Variants in ACTR3C observed in about 807,000 individuals in gnomAD.
ACTR3C encodes actin-related protein 3C.
A neutral mutation model predicts 26.3 loss-of-function variants in ACTR3C; 18 were observed. The ratio of observed to expected loss-of-function variants is 0.68; its 90% CI spans 0.47 to 1.01. ACTR3C has a LOEUF of 1.01. ACTR3C is among the 50% of genes least tolerant of loss of function. The probability of loss-of-function intolerance (pLI) is 0.00; values close to 1 mark genes in which losing one functional copy is unlikely to be tolerated. For synonymous variants in ACTR3C, 55 were observed against 94.5 expected, an observed-to-expected ratio of 0.58 and a Z score of 2.42; for missense variants, 184 against 250.7, an observed-to-expected ratio of 0.73 and a Z score of 1.80.
rs557167348 is a variant in ACTR3C, at chr7:150,250,296, C to T, written c.565-1242G>A. 2.7e-5 allele frequency among the ~76,000 whole-genome samples: 4 copies of T among 149,702 alleles called. No homozygotes were observed. In the South Asian group the frequency reaches 8.4e-4, roughly 31 times the overall value. ...TCGGCTCACTGCAAGCTCTGCCTCCCGGGTTCACGCCACTCTCCTGCCTCA... is the reference window on the plus strand; with the variant it reads ...TCGGCTCACTGCAAGCTCTGCCTCCTGGGTTCACGCCACTCTCCTGCCTCA... On this transcript the variant is annotated intron_variant, in intron 6 of 7. Transcript: ENST00000683684.
chr7:150,049,398 AG>A, the ACTR3C span, among the ~76,000 whole-genome samples: 10 of 152,156 alleles, frequency 6.6e-5, no homozygotes, highest in Admixed American at 5.9e-4. Context: ...CCAACTCCAG[AG>A]GGGGGAACCT....
chr7:149,903,884 G>A, the ACTR3C span, among the ~76,000 whole-genome samples: 4 of 40,904 alleles, frequency 9.8e-5, 1 homozygote, highest in African/African-American at 1.8e-4. Flanking sequence ...TGTTGTTGTT[G>A]TTGTTGTTTG....
the ACTR3C span, among the ~76,000 whole-genome samples, chr7:150,069,192 A>G: frequency 6.6e-6 from 1 of 152,242 alleles, no homozygotes; most frequent in Non-Finnish European, 1.5e-5. Flanking sequence ...GGTAATGCCA[A>G]AACTACTGTG....
chr7:150,046,348 C>CCA, the ACTR3C span, among the ~76,000 whole-genome samples: 1 of 18,682 alleles, frequency 5.4e-5, no homozygotes, highest in Non-Finnish European at 2.2e-4. Context: ...TGTCTCACCG[C>CCA]CCCCCCCCCC....
the ACTR3C span, among the ~76,000 whole-genome samples, chr7:150,079,466 A>T: frequency 6.6e-6 from 1 of 152,096 alleles, no homozygotes; most frequent in Non-Finnish European, 1.5e-5. Context: ...CTGAAGCCTT[A>T]CTCTGAGTGG....
chr7:150,271,222 G>T (rs1185099195), intron 6 of ACTR3C, among the ~76,000 whole-genome samples: 1 of 143,536 alleles, frequency 7.0e-6, no homozygotes, highest in Non-Finnish European at 1.5e-5. Context: ...AAGTTCTGGG[G>T]TACATGTGCA....
the ACTR3C span, among the ~76,000 whole-genome samples, chr7:150,038,476 T>C: frequency 1.4e-5 from 2 of 143,698 alleles, no homozygotes; most frequent in South Asian, 4.3e-4. Flanking sequence ...CCCCGCCCCA[T>C]TTGTGACCTC....
At chr7:150,235,907 G>A in the ACTR3C span, among the ~76,000 whole-genome samples, 2 of 151,726 alleles carry the variant, frequency 1.3e-5, no homozygotes, top group Non-Finnish European at 2.9e-5. Flanking sequence ...TTTTAAGTTC[G>A]GTGCTTTTAC....
chr7:150,209,806 C>T, the ACTR3C span, among the ~76,000 whole-genome samples: 1 of 149,682 alleles, frequency 6.7e-6, no homozygotes, highest in Non-Finnish European at 1.5e-5. Context: ...GTCCCAGCTA[C>T]TAGAGAGGCT....
the ACTR3C span, among the ~76,000 whole-genome samples, chr7:150,134,323 CCAAGGT>C: frequency 6.6e-6 from 1 of 151,502 alleles, no homozygotes; most frequent in African/African-American, 2.4e-5. Flanking sequence ...GGAGAAGGGG[CCAAGGT>C]GGGAGGTAAA....
chr7:149,902,561 G>C, the ACTR3C span, among the ~76,000 whole-genome samples: 5 of 20,528 alleles, frequency 2.4e-4, no homozygotes, highest in African/African-American at 2.9e-4. Context: ...TTTGAGACCA[G>C]CCTGGGCAAC....
At chr7:150,117,173 A>G in the ACTR3C span, among the ~76,000 whole-genome samples, 53 of 152,254 alleles carry the variant, frequency 3.5e-4, no homozygotes, top group African/African-American at 1.2e-3. Context: ...GCAGACACCA[A>G]GCTAGCTGGA....
chr7:150,127,717 T>A, the ACTR3C span, among the ~76,000 whole-genome samples: 1 of 152,130 alleles, frequency 6.6e-6, no homozygotes, highest in Non-Finnish European at 1.5e-5. Flanking sequence ...GCGACTTGTA[T>A]TAATATGTTT....
chr7:150,122,549 C>T, the ACTR3C span, among the ~76,000 whole-genome samples: 10 of 152,168 alleles, frequency 6.6e-5, no homozygotes, highest in Admixed American at 1.3e-4. Flanking sequence ...TACCATCTCA[C>T]GCCAGTTAGA....
the ACTR3C span, among the ~76,000 whole-genome samples, chr7:150,206,402 GT>G: frequency 1.3e-5 from 2 of 151,744 alleles, no homozygotes; most frequent in South Asian, 2.1e-4. Context: ...TGTGGGTGGG[GT>G]TTTTTTTATT....
the ACTR3C span, among the ~76,000 whole-genome samples, chr7:150,084,030 C>CTAATT: frequency 3.3e-5 from 5 of 152,192 alleles, no homozygotes; most frequent in Non-Finnish European, 4.4e-5. Context: ...GCACACCCAG[C>CTAATT]TAATTTTTTT....
At chr7:150,152,439 C>T in the ACTR3C span, among the ~76,000 whole-genome samples, 85 of 152,326 alleles carry the variant, frequency 5.6e-4, no homozygotes, top group Middle Eastern at 6.8e-3. Context: ...TCCTGGATTA[C>T]ATTCATTGAT....
chr7:150,037,101 G>T, the ACTR3C span, among the ~76,000 whole-genome samples: 39 of 96,666 alleles, frequency 4.0e-4, no homozygotes, highest in South Asian at 1.2e-3. Flanking sequence ...GGGGTCCTAA[G>T]AGCCAGGGGG....
chr7:150,004,220 GTGTGTGGTA>G, the ACTR3C span, among the ~76,000 whole-genome samples: 5 of 151,948 alleles, frequency 3.3e-5, no homozygotes, highest in South Asian at 1.0e-3. Flanking sequence ...GTTATGTTGT[GTGTGTGGTA>G]TGTGGGGTGT....
Sources: gnomAD v4.1 joint callset for allele counts (sites outside exome capture counted in the v4.1 genomes callset) on GRCh38, gnomAD v4.1.1 for gene constraint, MANE v1.5 for transcripts, NCBI Gene and HGNC (gene_info 2026-07-23, HGNC 2026-07-21) for gene names.